The following RCC1L variants were observed in gnomAD, a reference collection of about 807,000 sequenced individuals.
RCC1L encodes RCC1 like.
In RCC1L, 46 loss-of-function variants were observed where a neutral mutation model predicts 58.6. The observed-to-expected ratio is 0.79, with a 90% CI of 0.62 to 1.00. The LOEUF is 1.00. Ranked by LOEUF, RCC1L falls within the 50% of genes least tolerant of loss-of-function variation. The pLI, the probability that RCC1L is intolerant of heterozygous loss-of-function variation, is 0.00. For missense variants in RCC1L, 636 were observed against 623.6 expected (o/e 1.02, Z -0.21); for synonymous variants, 281 against 262.9 (o/e 1.07, Z -0.67).
At chr7:75,033,071 C>CAAAAA (rs71098024) in intron 10 of RCC1L, among the ~76,000 whole-genome samples, 1 of 70,152 alleles carries the variant, frequency 1.4e-5, no homozygotes, top group African/African-American at 6.0e-5. Flanking sequence ...GACTTTGTCT[C>CAAAAA]AAAAAAAAAA....
chr7:75,068,423 C>A (rs1806588186), intron 2 of RCC1L, among the ~76,000 whole-genome samples: 1 of 151,882 alleles, frequency 6.6e-6, no homozygotes, highest in Non-Finnish European at 1.5e-5. Context: ...TGGTGGCTCA[C>A]ACCTGTAATC....
In RCC1L at chr7:75,042,922, G is replaced by A; in HGVS notation, c.*110C>T. 1.3e-6 allele frequency: 2 copies of A among 1,575,010 alleles called. No homozygotes were observed. Among genetic ancestry groups the A allele is most frequent in the Non-Finnish European group, 1.7e-6 (2 of 1,159,338 alleles). ...GACAGAGCGTCACACTGCACGCAGG[G>A]TCCTCCGCCACCACCATCCAAGAAC... is the stretch of plus-strand genomic sequence containing the variant. On this transcript the variant is annotated 3_prime_UTR_variant, in exon 11 of 11. Coordinates refer to ENST00000610322, the MANE Select transcript of RCC1L (RefSeq NM_030798.5).
chr7:75,071,539 G>A (rs1446122022), intron 1 of RCC1L, among the ~76,000 whole-genome samples: 6 of 152,084 alleles, frequency 3.9e-5, no homozygotes, highest in Admixed American at 6.6e-5. Context: ...TCAGCTACTC[G>A]GGAGGCAGGA....
At chr7:75,066,200 C>T (rs998532750) in intron 3 of RCC1L, among the ~76,000 whole-genome samples, 3 of 152,040 alleles carry the variant, frequency 2.0e-5, no homozygotes, top group Non-Finnish European at 2.9e-5. Flanking sequence ...GCCTGTAATC[C>T]CAGCACTTTG....
At chr7:75,044,661 C>T (rs1805667348) in intron 10 of RCC1L, among the ~76,000 whole-genome samples, 2 of 150,230 alleles carry the variant, frequency 1.3e-5, no homozygotes, top group Non-Finnish European at 1.5e-5. Context: ...CTGCCCCAGT[C>T]CCCATCTGCC....
Position 75,044,066 on chromosome 7 carries a change from AAG to A in RCC1L, c.1318-959_1318-958del, listed in dbSNP as rs1370053248. ...AGGACAGCCCAAGCTTCAAGGGAGC[AAG>A]AAGATGGCCTCACTGAGACATGGAG... is the stretch of plus-strand genomic sequence containing the variant. On this transcript the variant is annotated intron_variant, in intron 10 of 10. Coordinates refer to ENST00000610322, the MANE Select transcript of RCC1L (RefSeq NM_030798.5). Among the ~76,000 whole-genome samples, 45 of 152,282 alleles carry A rather than the reference AAG, an allele frequency of 3.0e-4. 1 individual carries two copies. Among genetic ancestry groups the A allele is most frequent in the African/African-American group, 1.1e-3 (44 of 41,570 alleles).
At chr7:75,071,223 TATCTC>T (rs1323244058) in intron 1 of RCC1L, among the ~76,000 whole-genome samples, 1 of 152,152 alleles carries the variant, frequency 6.6e-6, no homozygotes, top group Non-Finnish European at 1.5e-5. Flanking sequence ...TGATAAGTAT[TATCTC>T]ATTTAATCTT....
chr7:75,043,518 C>T (rs1252428878), intron 10 of RCC1L, among the ~76,000 whole-genome samples: 3 of 152,224 alleles, frequency 2.0e-5, no homozygotes, highest in Non-Finnish European at 4.4e-5. Flanking sequence ...CTCCATGCCC[C>T]CAGGCCAGGT....
intron 7 of RCC1L, 37 bp downstream of exon 7, chr7:75,058,551 C>G (rs1391340701): frequency 1.3e-6 from 2 of 1,558,920 alleles, no homozygotes; most frequent in East Asian, 2.4e-5. Context: ...TTAATGTTTC[C>G]AAACCTCCCA....
rs988471569 is a variant in RCC1L at position 75,031,154 on chromosome 7, A to G, written c.1318-3075T>C. On this transcript the variant is annotated intron_variant, in intron 10 of 10. Transcript: ENST00000614461. ...CCTCCTCTTTCTCTATGCCAAAATC[A>G]TTTCCGTTATCCTGAGATGGGGGTG... Among the ~76,000 whole-genome samples the G allele has an allele frequency of 6.6e-5, 10 of 152,222 alleles. No homozygotes were observed. In the East Asian group the frequency reaches 1.9e-3, roughly 29 times the overall value.
intron 5 of RCC1L, among the ~76,000 whole-genome samples, chr7:75,062,096 G>A (rs1426523481): frequency 1.3e-5 from 2 of 152,082 alleles, no homozygotes; most frequent in Non-Finnish European, 2.9e-5. Context: ...TCTGAGGCAC[G>A]AGAATCGCTT....
At chr7:75,052,099 A>G (rs1044072862) in intron 10 of RCC1L, among the ~76,000 whole-genome samples, 1 of 152,274 alleles carries the variant, frequency 6.6e-6, no homozygotes, top group African/African-American at 2.4e-5. Context: ...GTAATTCTGG[A>G]AGGAGCCTTT....
At chr7:75,058,559 C>T in intron 7 of RCC1L, 29 bp downstream of exon 7, 1 of 1,567,474 alleles carries the variant, frequency 6.4e-7, no homozygotes, top group Non-Finnish European at 8.7e-7. Flanking sequence ...TCCAAACCTC[C>T]CAGCACCACG....
chr7:75,029,552 C>T (rs1805241173), intron 10 of RCC1L, among the ~76,000 whole-genome samples: 1 of 152,050 alleles, frequency 6.6e-6, no homozygotes, highest in South Asian at 2.1e-4. Context: ...CTATGTTGGC[C>T]AGGCTGTTCT....
At chr7:75,045,779 G>A (rs1805702111) in intron 10 of RCC1L, among the ~76,000 whole-genome samples, 2 of 152,216 alleles carry the variant, frequency 1.3e-5, no homozygotes, top group East Asian at 1.9e-4. Context: ...CTCCCAAAGC[G>A]CTGGGATTAC....
At chr7:75,032,448 C>T (rs1189335325) in intron 10 of RCC1L, among the ~76,000 whole-genome samples, 1 of 152,168 alleles carries the variant, frequency 6.6e-6, no homozygotes, top group Non-Finnish European at 1.5e-5. Flanking sequence ...TCTTGGTAGG[C>T]GGGACACTGG....
intron 10 of RCC1L, among the ~76,000 whole-genome samples, chr7:75,049,497 C>T (rs901778539): frequency 1.5e-4 from 22 of 150,444 alleles, no homozygotes; most frequent in South Asian, 4.2e-4. Flanking sequence ...AAAAAAAAAA[C>T]GAAAAAAAAA....
intron 10 of RCC1L, among the ~76,000 whole-genome samples, chr7:75,031,287 G>A (rs895987595): frequency 4.6e-5 from 7 of 152,068 alleles, no homozygotes; most frequent in South Asian, 2.1e-4. Flanking sequence ...CTCACCTGGC[G>A]TGCCCGGGTC....
exon 11 of RCC1L, chr7:75,027,949 G>C (rs1222336018): frequency 7.0e-7 from 1 of 1,423,592 alleles, no homozygotes; most frequent in Non-Finnish European, 9.6e-7. Context: ...ACCCCACTTG[G>C]AGGGGCATGT....
Sources: allele counts gnomAD v4.1 joint callset (sites outside exome capture counted in the v4.1 genomes callset), GRCh38; gene constraint gnomAD v4.1.1; transcripts MANE v1.5; gene names NCBI Gene and HGNC (gene_info 2026-07-23, HGNC 2026-07-21).